The following LGR6 variants were observed in gnomAD, a reference collection of about 807,000 sequenced individuals.
The protein encoded by LGR6 is leucine rich repeat containing G protein-coupled receptor 6, also known as leucine-rich repeat-containing G protein-coupled receptor 6.
LGR6 carries 45 observed loss-of-function variants against 69.4 expected under a neutral mutation model. The ratio of observed to expected loss-of-function variants is 0.65; its 90% confidence interval spans 0.51 to 0.83. LGR6 has a LOEUF of 0.83. Ranked by LOEUF, LGR6 falls within the 40% of genes least tolerant of loss-of-function variation. The pLI, the probability that LGR6 is intolerant of heterozygous loss-of-function variation, is 0.00. For synonymous variants in LGR6, 538 were observed against 555.0 expected, an observed-to-expected ratio of 0.97 and a Z score of 0.43; for missense variants, 1,108 against 1,246.7, an observed-to-expected ratio of 0.89 and a Z score of 1.68.
At chr1:202,234,496 C>A (rs1331269512) in intron 3 of LGR6, among the ~76,000 whole-genome samples, 1 of 152,210 alleles carries the variant, frequency 6.6e-6, no homozygotes, top group Non-Finnish European at 1.5e-5. Context: ...GAAAACAACT[C>A]AGGCTCATCA....
intron 6 of LGR6, among the ~76,000 whole-genome samples, chr1:202,282,956 G>A (rs192979676): frequency 8.1e-4 from 124 of 152,304 alleles, no homozygotes; most frequent in African/African-American, 2.9e-3. Context: ...AAAGCCCTTG[G>A]CATCAGACAG....
intron 2 of LGR6, among the ~76,000 whole-genome samples, chr1:202,225,894 T>TC (rs1393918500): frequency 6.6e-6 from 1 of 152,096 alleles, no homozygotes; most frequent in East Asian, 1.9e-4. Context: ...GCCCCAGATG[T>TC]CCCCTCACAT....
intron 12 of LGR6, among the ~76,000 whole-genome samples, chr1:202,306,421 C>T (rs1379777490): frequency 1.3e-5 from 2 of 152,146 alleles, no homozygotes; most frequent in African/African-American, 4.8e-5. Context: ...GTCTAGGTGC[C>T]AAGGGAAGGA....
In LGR6 at chr1:202,225,514, G is replaced by C. The variant is rs1382175052; in HGVS notation, c.284+20G>C. 3 of 1,607,314 alleles carry C rather than the reference G, an allele frequency of 1.9e-6. No homozygotes were observed. The highest frequency in any genetic ancestry group is 3.3e-5 in the Admixed American group (2 of 59,994). ...GGAGCTGTGAGTAGATGCTTTGCAG[G>C]GTGGGAGGCAAGCATGGGCTCTGTC... On this transcript the variant is annotated intron_variant, in intron 2 of 17. Transcript: ENST00000367278.
intron 6 of LGR6, among the ~76,000 whole-genome samples, chr1:202,287,667 A>G (rs1666491459): frequency 6.6e-6 from 1 of 152,176 alleles, no homozygotes; most frequent in South Asian, 2.1e-4. Flanking sequence ...TTACTCCTGC[A>G]GTTACTCAGG....
intron 1 of LGR6, among the ~76,000 whole-genome samples, chr1:202,199,983 C>T (rs1658783531): frequency 1.3e-5 from 2 of 152,242 alleles, no homozygotes; most frequent in Admixed American, 6.5e-5. Context: ...CCCAGCAGAG[C>T]TACTGGTGAC....
At chr1:202,198,687 T>G (rs867010835) in intron 1 of LGR6, among the ~76,000 whole-genome samples, 1,937 of 141,448 alleles carry the variant, frequency 0.014, 35 homozygotes, top group Non-Finnish European at 0.022. Context: ...TTTTTTTTTT[T>G]TTTTTTTTTA....
chr1:202,304,640 C>T lies in LGR6; in HGVS notation c.1070+10C>T, dbSNP rs1229038181. On this transcript the variant is annotated intron_variant, in intron 11 of 17. Coordinates refer to ENST00000367278, the MANE Select transcript of LGR6 (RefSeq NM_001017403.2). The stretch of plus-strand genomic sequence containing the variant: ...CCAGGCTCCGAGTCCTGTGAGTGCT[C>T]ACAAGAATTCTACAGTCTTGGCATT... 1.9e-6 allele frequency: 3 copies of T among 1,603,660 alleles called. No individual in the cohort carries two copies. The highest frequency in any genetic ancestry group is 2.7e-5 in the African/African-American group (2 of 74,828).
At chr1:202,219,080 C>G (rs1399710795) in intron 1 of LGR6, among the ~76,000 whole-genome samples, 2 of 152,210 alleles carry the variant, frequency 1.3e-5, no homozygotes, top group Non-Finnish European at 2.9e-5. Context: ...TCCTCTGATT[C>G]CAGATTCTGT....
intron 1 of LGR6, among the ~76,000 whole-genome samples, chr1:202,199,346 G>A (rs1244885716): frequency 3.3e-5 from 5 of 152,162 alleles, no homozygotes; most frequent in Non-Finnish European, 2.9e-5. Flanking sequence ...GTGGAGCCTA[G>A]TAGGGTGGGC....
chr1:202,309,021 G>A (rs1203532743), intron 14 of LGR6, 30 bp from the exon 15 acceptor site: 2 of 1,612,200 alleles, frequency 1.2e-6, no homozygotes, highest in Non-Finnish European at 1.7e-6. Context: ...CCCACTGACT[G>A]CCAATAACCC....
In LGR6 at chr1:202,304,623, C is replaced by G. The variant is rs1052089261; in HGVS notation, c.1063C>G (p.Arg355Gly). Residue 355 changes from arginine (R) to glycine (G), a missense_variant, in exon 11 of 18, where the codon CGA (arginine) becomes GGA (glycine). Transcript: ENST00000367278. Reference sequence around the variant, plus strand: ...GATGTGCCAACAGCTGCCCAGGCTCCGAGTCCTGTGAGTGCTCACAAGAAT... The same window carrying G: ...GATGTGCCAACAGCTGCCCAGGCTCGGAGTCCTGTGAGTGCTCACAAGAAT... ...SGMCQQLPRL[R>G]VLELSHNQIE... 1.2e-6 allele frequency: 2 copies of G among 1,609,084 alleles called. No individual in the cohort carries two copies. Among genetic ancestry groups the G allele is most frequent in the Non-Finnish European group, 1.7e-6 (2 of 1,176,256 alleles).
intron 1 of LGR6, among the ~76,000 whole-genome samples, chr1:202,196,411 C>T (rs558224256): frequency 2.0e-4 from 31 of 152,268 alleles, no homozygotes; most frequent in East Asian, 1.5e-3. Flanking sequence ...CTCTTTTCAG[C>T]GATGTTAGGA....
chr1:202,199,359 A>G (rs1437817076), intron 1 of LGR6, among the ~76,000 whole-genome samples: 1 of 152,172 alleles, frequency 6.6e-6, no homozygotes, highest in Non-Finnish European at 1.5e-5. Flanking sequence ...GGGTGGGCCC[A>G]TCAGAAGGCA....
chr1:202,291,737 C>T (rs979895465), intron 6 of LGR6, among the ~76,000 whole-genome samples: 1 of 152,224 alleles, frequency 6.6e-6, no homozygotes, highest in Admixed American at 6.5e-5. Flanking sequence ...CTCTGTGCCT[C>T]AGTTTCTCAT....
At chr1:202,204,686 CA>C (rs1659024994) in intron 1 of LGR6, among the ~76,000 whole-genome samples, 1 of 108,248 alleles carries the variant, frequency 9.2e-6, no homozygotes, top group African/African-American at 3.4e-5. Context: ...CAAACACACA[CA>C]CACCCCCAAA....
chr1:202,221,321 A>C (rs994482061), intron 1 of LGR6, among the ~76,000 whole-genome samples: 4 of 152,072 alleles, frequency 2.6e-5, no homozygotes, highest in African/African-American at 9.7e-5. Flanking sequence ...CCTCTTATCA[A>C]ACCTGTTCCC....
chr1:202,232,323 T>A (rs1040609928), intron 3 of LGR6, among the ~76,000 whole-genome samples: 2 of 152,094 alleles, frequency 1.3e-5, no homozygotes, highest in Admixed American at 6.5e-5. Context: ...TCATGGTTCC[T>A]GCCCCCAAAT....
chr1:202,219,492 C>T (rs551942068), intron 1 of LGR6, among the ~76,000 whole-genome samples: 2 of 152,196 alleles, frequency 1.3e-5, no homozygotes, highest in Non-Finnish European at 2.9e-5. Context: ...GAACAGGGAG[C>T]GCTGTGAGCA....
Sources: allele counts gnomAD v4.1 joint callset (sites outside exome capture counted in the v4.1 genomes callset), GRCh38; gene constraint gnomAD v4.1.1; transcripts MANE v1.5; gene names NCBI Gene and HGNC (gene_info 2026-07-23, HGNC 2026-07-21).